NOSTRIN: variants seen among roughly 807,000 people sequenced by gnomAD.
NOSTRIN encodes the protein nitric oxide synthase trafficking.
NOSTRIN carries 63 observed loss-of-function variants against 59.0 expected under a neutral mutation model. The ratio of observed to expected loss-of-function variants is 1.07; its 90% CI spans 0.87 to 1.32. The LOEUF (loss-of-function observed/expected upper bound fraction) is 1.32. Among genes scored for constraint, NOSTRIN ranks in the 40% most tolerant of loss-of-function variants. NOSTRIN has a pLI of 0.00. For missense variants in NOSTRIN, 512 were observed against 473.1 expected (o/e 1.08, Z -0.76); for synonymous variants, 200 against 165.4 (o/e 1.21, Z -1.61).
intron 8 of NOSTRIN, among the ~76,000 whole-genome samples, chr2:168,849,395 G>A (rs1688613777): frequency 1.3e-5 from 2 of 151,162 alleles, no homozygotes. Flanking sequence ...TCACTCTTTT[G>A]CACAGGCTGG....
upstream of NOSTRIN, among the ~76,000 whole-genome samples, chr2:168,800,614 A>G (rs892776355): frequency 1.3e-5 from 2 of 152,154 alleles, no homozygotes; most frequent in Admixed American, 6.5e-5. Context: ...GTGCCCTACC[A>G]ATCTATAATT....
chr2:168,863,645 G>C (rs1023237285), intron 15 of NOSTRIN: 1 of 961,960 alleles, frequency 1.0e-6, no homozygotes, highest in Non-Finnish European at 1.2e-6. Flanking sequence ...ATTTTGAATG[G>C]GGAGTTACAT....
At chr2:168,810,668 C>T (rs531250507) in intron 1 of NOSTRIN, among the ~76,000 whole-genome samples, 1 of 152,316 alleles carries the variant, frequency 6.6e-6, no homozygotes, top group African/African-American at 2.4e-5. Flanking sequence ...TCAATCCATA[C>T]TGAATTTGGG....
At chr2:168,839,937 G>A (rs1216211452) in intron 7 of NOSTRIN, among the ~76,000 whole-genome samples, 4 of 133,026 alleles carry the variant, frequency 3.0e-5, no homozygotes, top group Non-Finnish European at 4.8e-5. Flanking sequence ...GTGTGTGTGT[G>A]TGTATGAGTA....
At chr2:168,848,149 G>T (rs2105741305) in intron 8 of NOSTRIN, among the ~76,000 whole-genome samples, 1 of 152,308 alleles carries the variant, frequency 6.6e-6, no homozygotes, top group Non-Finnish European at 1.5e-5. Context: ...TCACATAGGA[G>T]ATCCAAACAA....
chr2:168,856,960 C>T (rs1272943400), intron 12 of NOSTRIN, among the ~76,000 whole-genome samples, 182 bp downstream of exon 12: 1 of 152,128 alleles, frequency 6.6e-6, no homozygotes, highest in Non-Finnish European at 1.5e-5. Context: ...AATACAACTA[C>T]CTAGAAATGT....
rs900710662 is a variant in NOSTRIN, at chr2:168,844,741, G to A, written c.630+1624G>A. On this transcript the variant is annotated intron_variant, in intron 8 of 15. Coordinates refer to ENST00000317647, the MANE Select transcript of NOSTRIN (RefSeq NM_001039724.4). ...AAAAATTAGCCGCGCGTGGTGGCGG[G>A]CGCCTGTTGTCCCAGCTACTCGGGA... Among the ~76,000 whole-genome samples, 3 of 152,078 alleles carry A rather than the reference G, an allele frequency of 2.0e-5. No homozygotes were observed. The East Asian group carries it at 5.8e-4, about 29-fold the overall frequency.
chr2:168,836,981 C>T (rs909042709), intron 7 of NOSTRIN, among the ~76,000 whole-genome samples: 1 of 152,160 alleles, frequency 6.6e-6, no homozygotes, highest in Non-Finnish European at 1.5e-5. Flanking sequence ...AGTGTGGGAT[C>T]AGGTGCTATC....
intron 7 of NOSTRIN, among the ~76,000 whole-genome samples, chr2:168,836,041 G>A (rs561711590): frequency 1.3e-5 from 2 of 152,282 alleles, no homozygotes; most frequent in South Asian, 2.1e-4. Flanking sequence ...AGAGAAAATT[G>A]TCATCACCAG....
At chr2:168,860,681 A>AAC (rs2105791359) in intron 13 of NOSTRIN, 114 bp from the exon 14 acceptor site, 1 of 697,410 alleles carries the variant, frequency 1.4e-6, no homozygotes, top group East Asian at 2.7e-5. Context: ...AAAAAAAAAA[A>AAC]GAAAAAACAA....
intron 2 of NOSTRIN, chr2:168,818,160 TATG>T (rs1189057327): frequency 3.3e-6 from 1 of 307,574 alleles, no homozygotes; most frequent in South Asian, 2.8e-5. Context: ...TTTATTATTT[TATG>T]TTTTTTAGAG....
At chr2:168,828,846 C>T (rs1297916556) in intron 5 of NOSTRIN, among the ~76,000 whole-genome samples, 2 of 151,734 alleles carry the variant, frequency 1.3e-5, no homozygotes, top group Non-Finnish European at 2.9e-5. Flanking sequence ...TCACAGTATA[C>T]TGCTAAATAA....
At chr2:168,864,510 C>T (rs1455225347) in intron 15 of NOSTRIN, among the ~76,000 whole-genome samples, 1 of 150,758 alleles carries the variant, frequency 6.6e-6, no homozygotes, top group Non-Finnish European at 1.5e-5. Context: ...GGTCTCGAAA[C>T]TCCTGACCTT....
chr2:168,845,748 A>C (rs772669585), intron 8 of NOSTRIN, among the ~76,000 whole-genome samples: 26 of 151,100 alleles, frequency 1.7e-4, no homozygotes, highest in Middle Eastern at 3.4e-3. Context: ...TTTCAACTTC[A>C]GCTCTAAAAA....
In NOSTRIN at chr2:168,865,020, T is replaced by A. The variant is rs761628998; in HGVS notation, c.*50T>A. 3.1e-6 allele frequency: 5 copies of A among 1,591,486 alleles called. No individual in the cohort carries two copies. Among genetic ancestry groups the A allele is most frequent in the Non-Finnish European group, 4.3e-6 (5 of 1,168,140 alleles). ...TCACACTCGGTAATCAACAATACAG[T>A]GTGGTTCAAATAAGAATAAAGTGCT... On this transcript the variant is annotated 3_prime_UTR_variant, in exon 16 of 16. Transcript: ENST00000317647.
chr2:168,826,340 A>G (rs973970141), intron 3 of NOSTRIN, among the ~76,000 whole-genome samples: 1 of 152,200 alleles, frequency 6.6e-6, no homozygotes, highest in African/African-American at 2.4e-5. Flanking sequence ...AACAGTAAAC[A>G]TTAGAGAATT....
At chr2:168,801,696 G>C (rs1018229738), upstream of NOSTRIN, among the ~76,000 whole-genome samples, 1 of 152,166 alleles carries the variant, frequency 6.6e-6, no homozygotes, top group Non-Finnish European at 1.5e-5. Flanking sequence ...AAACAGAACT[G>C]TCCACAGTCT....
intron 15 of NOSTRIN, 65 bp downstream of exon 15, chr2:168,862,114 CCTGT>C (rs1345022634): frequency 2.4e-4 from 342 of 1,445,796 alleles, no homozygotes; most frequent in Non-Finnish European, 3.3e-4. Context: ...TGAATAAAAC[CCTGT>C]CTTAGTGTGG....
chr2:168,849,070 T>A (rs1172935376), intron 8 of NOSTRIN, among the ~76,000 whole-genome samples: 1 of 152,200 alleles, frequency 6.6e-6, no homozygotes, highest in Non-Finnish European at 1.5e-5. Flanking sequence ...AATGGGCTCC[T>A]GTAGGAATTT....
Sources: gnomAD v4.1 joint callset for allele counts (sites outside exome capture counted in the v4.1 genomes callset) on GRCh38, gnomAD v4.1.1 for gene constraint, MANE v1.5 for transcripts, NCBI Gene and HGNC (gene_info 2026-07-23, HGNC 2026-07-21) for gene names.